WDFY4: variants seen among roughly 807,000 people sequenced by gnomAD.
WDFY4 encodes WDFY family member 4.
Under a neutral mutation model 351.9 loss-of-function variants are expected in WDFY4, and 169 were observed. The observed-to-expected ratio is 0.48, with a 90% CI of 0.42 to 0.55. The LOEUF is 0.55. Among genes scored for constraint, WDFY4 ranks in the 20% least tolerant of loss-of-function variants. WDFY4 has a pLI of 0.00. For missense variants in WDFY4, 3,803 were observed against 3,935.6 expected (o/e 0.97, Z 0.90); for synonymous variants, 1,622 against 1,574.6 (o/e 1.03, Z -0.71).
In WDFY4 at chr10:48,969,255, G is replaced by T; in HGVS notation, c.8769+7G>T. The T allele has an allele frequency of 6.4e-7, 1 of 1,550,942 alleles. No individual in the cohort carries two copies. The highest frequency in any genetic ancestry group is 8.7e-7 in the Non-Finnish European group (1 of 1,146,904). On this transcript the variant is annotated splice_region_variant and intron_variant, in intron 56 of 61. Transcript: ENST00000325239. ...GAGCTACGGCTCCGACAAGGTGAGG[G>T]GGCTGCAGGGAGCAGGGGCAGCCTC... is the stretch of plus-strand genomic sequence containing the variant.
At chr10:48,869,662 T>C (rs73312067) in intron 40 of WDFY4, among the ~76,000 whole-genome samples, 8,903 of 152,148 alleles carry the variant, frequency 0.059, 894 homozygotes, top group African/African-American at 0.2. Context: ...GCCCAGCCTC[T>C]CTTGCTCTGT....
intron 13 of WDFY4, among the ~76,000 whole-genome samples, chr10:48,769,302 AC>A (rs2065782583): frequency 3.3e-5 from 5 of 152,212 alleles, no homozygotes; most frequent in Admixed American, 2.0e-4. Context: ...AGGCTGAGGG[AC>A]CATGGCAAAA....
In WDFY4 at chr10:48,923,502, A is replaced by G. The variant is rs867564485; in HGVS notation, c.7587-18304A>G. On this transcript the variant is annotated intron_variant, in intron 47 of 61. Transcript: ENST00000325239. ...AAACAACAAATAGTTTTTAGTATAT[A>G]TATATATATATGTCCCAAATACCGC... Among the ~76,000 whole-genome samples the G allele has an allele frequency of 2.5e-4, 14 of 55,442 alleles. 2 individuals carry two copies. Among genetic ancestry groups the G allele is most frequent in the Non-Finnish European group, 5.9e-4 (11 of 18,576 alleles). 36.4% of individuals were successfully genotyped at this position (55,442 alleles called of 152,430 possible).
chr10:48,714,107 G>C lies in WDFY4; in HGVS notation c.234+4141G>C, dbSNP rs190490010. The stretch of plus-strand genomic sequence containing the variant: ...TATCCCAGCTTTATAAATGAGGAAA[G>C]AGAGGCTTAGGGATGTTGCATAACT... On this transcript the variant is annotated intron_variant, in intron 2 of 61. Coordinates refer to ENST00000325239, the MANE Select transcript of WDFY4 (RefSeq NM_001394531.1). 2.0e-5 allele frequency among the ~76,000 whole-genome samples: 3 copies of C among 152,364 alleles called. No homozygotes were observed. The East Asian group carries it at 5.8e-4, about 29-fold the overall frequency.
intron 18 of WDFY4, 38 bp downstream of exon 18, chr10:48,778,870 G>A: frequency 3.2e-6 from 5 of 1,542,022 alleles, no homozygotes; most frequent in Non-Finnish European, 4.4e-6. Context: ...TCATCCACAT[G>A]TGGGGGAAAT....
At chr10:48,923,408 C>G (rs1215052789) in intron 47 of WDFY4, among the ~76,000 whole-genome samples, 1 of 150,670 alleles carries the variant, frequency 6.6e-6, no homozygotes, top group Admixed American at 6.7e-5. Context: ...AATGGCTTCT[C>G]CCCATGGTAG....
intron 40 of WDFY4, among the ~76,000 whole-genome samples, chr10:48,867,758 A>G (rs899031998): frequency 1.3e-5 from 2 of 152,276 alleles, no homozygotes; most frequent in Non-Finnish European, 2.9e-5. Context: ...GTGTGGTTAT[A>G]GAATAGCTAA....
chr10:48,748,110 G>A (rs1201326712), intron 12 of WDFY4, among the ~76,000 whole-genome samples: 4 of 152,288 alleles, frequency 2.6e-5, no homozygotes, highest in Middle Eastern at 3.4e-3. Context: ...TGGGCACCCT[G>A]ATAACATACA....
intron 47 of WDFY4, chr10:48,914,211 T>C (rs1051811935): frequency 6.5e-7 from 1 of 1,537,806 alleles, no homozygotes; most frequent in Admixed American, 1.9e-5. Context: ...TAGTGATCAG[T>C]GTGAGGAAAA....
Position 48,806,061 on chromosome 10 carries a change from C to T in WDFY4, c.4704C>T (p.Ile1568=), listed in dbSNP as rs2067244216. ...LKPSSVNERQ[I]CMDGALDPSL... ...CTTCGTCGGTGAATGAGAGGCAGAT[C>T]TGCATGGACGGAGCCCTGGACCCTT... The change falls in exon 27 of 62, where the codon ATC becomes ATT. Residue 1568 remains isoleucine (I), a synonymous_variant. Coordinates refer to ENST00000325239, the MANE Select transcript of WDFY4 (RefSeq NM_001394531.1). 1 of 1,551,700 alleles carries T rather than the reference C, an allele frequency of 6.4e-7. No individual in the cohort carries two copies. The highest frequency in any genetic ancestry group is 8.7e-7 in the Non-Finnish European group (1 of 1,146,982).
At chr10:48,843,322 A>C (rs923127681) in intron 39 of WDFY4, among the ~76,000 whole-genome samples, 1 of 152,214 alleles carries the variant, frequency 6.6e-6, no homozygotes, top group Non-Finnish European at 1.5e-5. Context: ...TTGAGGAAAA[A>C]ATTGAGTAAT....
At chr10:48,895,025 A>G (rs1837001731) in intron 44 of WDFY4, among the ~76,000 whole-genome samples, 1 of 152,238 alleles carries the variant, frequency 6.6e-6, no homozygotes, top group African/African-American at 2.4e-5. Context: ...CCATCCTACC[A>G]CAATGCGGCT....
At chr10:48,702,831 G>A (rs1206518127) in intron 1 of WDFY4, among the ~76,000 whole-genome samples, 4 of 152,178 alleles carry the variant, frequency 2.6e-5, no homozygotes, top group Non-Finnish European at 4.4e-5. Flanking sequence ...GCAGTGCCAC[G>A]TTTGCATTCC....
intron 39 of WDFY4, among the ~76,000 whole-genome samples, chr10:48,860,574 G>A (rs1464057838): frequency 2.0e-5 from 3 of 152,146 alleles, no homozygotes; most frequent in Non-Finnish European, 4.4e-5. Flanking sequence ...CCATTATGTT[G>A]GGAGTTAGGA....
chr10:48,981,612 A>G (rs1842808802), intron 61 of WDFY4, 134 bp downstream of exon 61: 2 of 753,444 alleles, frequency 2.7e-6, no homozygotes, highest in African/African-American at 3.5e-5. Context: ...CCCACCAAGC[A>G]CAGGAAGCAG....
intron 25 of WDFY4, among the ~76,000 whole-genome samples, chr10:48,804,474 A>G (rs989469987): frequency 2.0e-5 from 3 of 151,528 alleles, no homozygotes; most frequent in African/African-American, 4.9e-5. Context: ...TGAGCCTGTA[A>G]TTATAAATCA....
At chr10:48,921,904 C>T (rs545129928) in intron 47 of WDFY4, among the ~76,000 whole-genome samples, 19 of 152,214 alleles carry the variant, frequency 1.2e-4, no homozygotes, top group African/African-American at 4.6e-4. Flanking sequence ...GAAGACACTT[C>T]GGAAATTTCT....
chr10:48,772,543 C>CTTTTTT (rs370554273), intron 13 of WDFY4, among the ~76,000 whole-genome samples: 4 of 82,980 alleles, frequency 4.8e-5, no homozygotes, highest in Non-Finnish European at 8.9e-5. Flanking sequence ...TTTGCATTTT[C>CTTTTTT]TTTTTTTTTT....
At chr10:48,825,053 A>G (rs2067949120) in intron 35 of WDFY4, among the ~76,000 whole-genome samples, 2 of 152,164 alleles carry the variant, frequency 1.3e-5, no homozygotes, top group Admixed American at 1.3e-4. Flanking sequence ...CTATCAATGC[A>G]TCACCTAGGT....
Sources: allele counts gnomAD v4.1 joint callset (sites outside exome capture counted in the v4.1 genomes callset), GRCh38; gene constraint gnomAD v4.1.1; transcripts MANE v1.5; gene names NCBI Gene and HGNC (gene_info 2026-07-23, HGNC 2026-07-21).